Variants in EML6 observed in about 807,000 individuals in gnomAD.
EML6 encodes the protein EMAP like 6.
A neutral mutation model predicts 240.1 loss-of-function variants in EML6; 154 were observed. The observed-to-expected ratio is 0.64, with a 90% CI of 0.56 to 0.73. The LOEUF (loss-of-function observed/expected upper bound fraction) is 0.73. EML6 is among the 30% of genes least tolerant of loss of function. The pLI is 0.00. For synonymous variants in EML6, 1,148 were observed against 899.0 expected (o/e 1.28, Z -4.95); for missense variants, 2,964 against 2,474.6 (o/e 1.20, Z -4.20).
At chr2:54,785,331 A>G (rs551026505) in intron 2 of EML6, among the ~76,000 whole-genome samples, 79 of 151,964 alleles carry the variant, frequency 5.2e-4, no homozygotes, top group Non-Finnish European at 5.4e-4. Context: ...GTGAGCCACC[A>G]CGCCTGGCTT....
chr2:54,950,527 G>T (rs568686067), intron 29 of EML6, 123 bp from the exon 30 acceptor site: 1 of 1,053,718 alleles, frequency 9.5e-7, no homozygotes, highest in Non-Finnish European at 1.4e-6. Context: ...CAGTGAGTGT[G>T]TGTTGGCGTC....
intron 11 of EML6, among the ~76,000 whole-genome samples, chr2:54,857,052 G>T (rs185601389): frequency 6.6e-6 from 1 of 152,254 alleles, no homozygotes; most frequent in Non-Finnish European, 1.5e-5. Context: ...TCTAAGTTTG[G>T]GACTTGAGCA....
rs562520223 is a variant in EML6 at position 54,774,537 on chromosome 2, T to G, written c.198-38695T>G. 7.2e-5 allele frequency among the ~76,000 whole-genome samples: 11 copies of G among 152,266 alleles called. No homozygotes were observed. The East Asian group carries it at 1.9e-3, about 27-fold the overall frequency. On this transcript the variant is annotated intron_variant, in intron 2 of 41. Transcript: ENST00000356458. This position sits in a 1 kb window ranked among gnomAD's most constrained non-coding sequence, Gnocchi z 4.1. ...TTTTTAGCCTACATCACGGGGAGAA[T>G]GGAAGAGCTAGCATCTCTGCTACAC... is the stretch of plus-strand genomic sequence containing the variant.
chr2:54,739,129 A>C (rs577129892), intron 2 of EML6, among the ~76,000 whole-genome samples: 3 of 152,362 alleles, frequency 2.0e-5, no homozygotes, highest in Admixed American at 2.0e-4. Flanking sequence ...CATATATTCT[A>C]TAGGAAATTC....
chr2:54,965,132 T>C lies in EML6; in HGVS notation c.5493+399T>C, dbSNP rs114733260. Among the ~76,000 whole-genome samples, 1,313 of 152,298 alleles carry C rather than the reference T, an allele frequency of 8.6e-3. 21 individuals carry two copies. Among genetic ancestry groups the C allele is most frequent in the African/African-American group, 0.03 (1,254 of 41,572 alleles). ...GAATGGCCCCTCCATACGTGGGCCC[T>C]GGACTCCAGCCAGTGGGCCTGGAGT... On this transcript the variant is annotated intron_variant, in intron 38 of 41. Transcript: ENST00000356458.
At chr2:54,895,094 T>A (rs1056658277) in intron 20 of EML6, 68 bp downstream of exon 20, 1 of 1,377,370 alleles carries the variant, frequency 7.3e-7, no homozygotes, top group Non-Finnish European at 1.0e-6. Flanking sequence ...TACTAAAGTT[T>A]TTAGAAAACT....
intron 28 of EML6, among the ~76,000 whole-genome samples, chr2:54,937,299 C>T (rs34455501): frequency 6.7e-6 from 1 of 148,848 alleles, no homozygotes; most frequent in Non-Finnish European, 1.5e-5. Context: ...AAGAAGAAGT[C>T]TTAGGCTAAG....
intron 28 of EML6, among the ~76,000 whole-genome samples, chr2:54,938,079 C>T (rs1675242119): frequency 6.6e-6 from 1 of 152,224 alleles, no homozygotes; most frequent in Non-Finnish European, 1.5e-5. Context: ...GGTGCTGTGG[C>T]TCACGCCTGT....
intron 2 of EML6, among the ~76,000 whole-genome samples, chr2:54,800,750 TA>T (rs1390305861): frequency 6.6e-6 from 1 of 152,112 alleles, no homozygotes; most frequent in East Asian, 1.9e-4. Flanking sequence ...GCAGCTTTTT[TA>T]CTCTCAGTGG....
At chr2:54,938,448 C>T (rs1558705909) in intron 28 of EML6, among the ~76,000 whole-genome samples, 1 of 152,228 alleles carries the variant, frequency 6.6e-6, no homozygotes, top group Non-Finnish European at 1.5e-5. Flanking sequence ...GTGAGACATA[C>T]AGCCATGCTT....
At chr2:54,756,334 A>G (rs1667728758) in intron 2 of EML6, among the ~76,000 whole-genome samples, 1 of 152,214 alleles carries the variant, frequency 6.6e-6, no homozygotes, top group African/African-American at 2.4e-5. Context: ...CTTTTATAGA[A>G]GTTCTCAATG....
chr2:54,823,850 T>TTCTCTCTCCCTCTCTCTC (rs1668445074), intron 5 of EML6, among the ~76,000 whole-genome samples: 1 of 72,262 alleles, frequency 1.4e-5, no homozygotes, highest in East Asian at 2.6e-4. Flanking sequence ...CATTCATTCA[T>TTCTCTCTCCCTCTCTCTC]TCTCTCTCTC....
intron 24 of EML6, 34 bp downstream of exon 24, chr2:54,903,536 C>G (rs1288267338): frequency 1.3e-6 from 2 of 1,484,108 alleles, no homozygotes; most frequent in South Asian, 1.3e-5. Flanking sequence ...AATAGAATTT[C>G]TGTGTTTAAA....
intron 4 of EML6, among the ~76,000 whole-genome samples, chr2:54,819,644 C>G (rs1668236158): frequency 6.6e-6 from 1 of 151,934 alleles, no homozygotes; most frequent in Non-Finnish European, 1.5e-5. Flanking sequence ...GGCGTGGTGG[C>G]ACGCGCCTGT....
At chr2:54,957,349 C>G (rs1279673816) in intron 32 of EML6, among the ~76,000 whole-genome samples, 1 of 76,988 alleles carries the variant, frequency 1.3e-5, no homozygotes, top group African/African-American at 4.6e-5. Flanking sequence ...GCAGGAGAAT[C>G]TTAGGAAAAA....
In EML6 at chr2:54,954,167, A is replaced by G. The variant is rs994896053; in HGVS notation, c.4486+11A>G. ...GGCGATGGCAGGAAGGTAAACCAGC[A>G]CTGGGCTTTCTGTCCCTCCAGGGTG... On this transcript the variant is annotated intron_variant, in intron 32 of 41. Transcript: ENST00000356458. 1.3e-6 allele frequency: 2 copies of G among 1,548,958 alleles called. No individual in the cohort carries two copies. The highest frequency in any genetic ancestry group is 2.0e-5 in the Admixed American group (1 of 50,784).
intron 28 of EML6, among the ~76,000 whole-genome samples, chr2:54,940,546 G>T (rs1187677977): frequency 3.3e-5 from 5 of 152,160 alleles, no homozygotes; most frequent in African/African-American, 1.2e-4. Flanking sequence ...TGTGTCTAAC[G>T]TGGTACCTTA....
At chr2:54,870,691 GT>G (rs1052385769) in intron 15 of EML6, among the ~76,000 whole-genome samples, 19 of 148,378 alleles carry the variant, frequency 1.3e-4, no homozygotes, top group South Asian at 2.1e-4. Context: ...AGCCAGAGGT[GT>G]TTTTTTTTTA....
At chr2:54,731,752 C>T (rs919835451) in intron 2 of EML6, among the ~76,000 whole-genome samples, 28 of 152,226 alleles carry the variant, frequency 1.8e-4, no homozygotes, top group African/African-American at 6.8e-4. Flanking sequence ...CCCCATCAAT[C>T]AGTCATTTGG....
Sources: allele counts gnomAD v4.1 joint callset (sites outside exome capture counted in the v4.1 genomes callset), GRCh38; gene constraint gnomAD v4.1.1; non-coding constraint Gnocchi (gnomAD v3.1); transcripts MANE v1.5; gene names NCBI Gene and HGNC (gene_info 2026-07-23, HGNC 2026-07-21).